MAML2: variants seen among roughly 807,000 people sequenced by gnomAD.
MAML2 encodes mastermind like transcriptional coactivator 2.
In MAML2, 22 loss-of-function variants were observed where a neutral mutation model predicts 96.1. The ratio of observed to expected loss-of-function variants is 0.23; its 90% confidence interval spans 0.16 to 0.33. The LOEUF is 0.33. MAML2 is among the 10% of genes least tolerant of loss of function. The pLI is 1.00. For missense variants in MAML2, 1,367 were observed against 1,392.4 expected, an observed-to-expected ratio of 0.98 and a Z score of 0.29; for synonymous variants, 561 against 521.3, an observed-to-expected ratio of 1.08 and a Z score of -1.04.
chr11:96,229,777 T>C (rs1862265722), intron 1 of MAML2, among the ~76,000 whole-genome samples: 1 of 152,066 alleles, frequency 6.6e-6, no homozygotes, highest in South Asian at 2.1e-4. Context: ...AATTGTAGAC[T>C]CTTTGGGCTG....
At chr11:96,047,923 A>C (rs1230130128) in intron 2 of MAML2, among the ~76,000 whole-genome samples, 2 of 150,758 alleles carry the variant, frequency 1.3e-5, no homozygotes, top group Admixed American at 6.6e-5. Flanking sequence ...AAAAAAAAAA[A>C]AAAAAAAAAA....
intron 1 of MAML2, among the ~76,000 whole-genome samples, chr11:96,150,887 TC>T (rs1314720126): frequency 6.6e-6 from 1 of 152,178 alleles, no homozygotes; most frequent in Non-Finnish European, 1.5e-5. Context: ...TAAAGCGTGT[TC>T]TACAGTCTAG....
chr11:95,987,118 C>T (rs1857839997), intron 3 of MAML2, among the ~76,000 whole-genome samples: 1 of 152,150 alleles, frequency 6.6e-6, no homozygotes, highest in Non-Finnish European at 1.5e-5. Context: ...AGATTGGAAG[C>T]TGTCACAAAG....
At chr11:96,134,873 C>T (rs532048961) in intron 1 of MAML2, among the ~76,000 whole-genome samples, 3 of 152,196 alleles carry the variant, frequency 2.0e-5, no homozygotes, top group Admixed American at 6.5e-5. Flanking sequence ...TTCTAAAAGT[C>T]GAGTTGCAGG....
chr11:96,034,456 A>AGAGAGAGAGAGT (rs766634690), intron 2 of MAML2, among the ~76,000 whole-genome samples: 29 of 144,824 alleles, frequency 2.0e-4, no homozygotes, highest in Non-Finnish European at 2.5e-4. Context: ...AGAGAGAGAG[A>AGAGAGAGAGAGT]GTGTGTGTGT....
chr11:96,241,943 C>T (rs897710984), intron 1 of MAML2, among the ~76,000 whole-genome samples: 2 of 152,104 alleles, frequency 1.3e-5, no homozygotes, highest in African/African-American at 4.8e-5. Context: ...TTATTCAGTT[C>T]AGGGTTCAGC....
chr11:96,092,769 C>A lies in MAML2; in HGVS notation c.1262G>T (p.Ser421Ile). 1 of 1,613,530 alleles carries A rather than the reference C, an allele frequency of 6.2e-7. No homozygotes were observed. The highest frequency in any genetic ancestry group is 1.7e-4 in the Middle Eastern group (1 of 6,060). ...TTCCTGCCAGCTTGGCAAGGCCCGG[C>A]TTGCTCCGGAGCCTGTCTGAGGCTG... ...QAQPQTGSGA[S>I]RALPSWQEVS... Residue 421 changes from serine (S) to isoleucine (I), a missense_variant, in exon 2 of 5, where the codon AGC (serine) becomes ATC (isoleucine). Coordinates refer to ENST00000524717, the MANE Select transcript of MAML2 (RefSeq NM_032427.4). The surrounding 1 kb of genome is among the most constrained non-coding windows in gnomAD (Gnocchi z 4.1).
At chr11:96,076,904 T>C (rs1490596038) in intron 2 of MAML2, among the ~76,000 whole-genome samples, 2 of 152,160 alleles carry the variant, frequency 1.3e-5, no homozygotes, top group African/African-American at 2.4e-5. Context: ...GTTGCATTCA[T>C]AGCCATTTAG....
At chr11:96,320,219 T>C (rs527493419) in intron 1 of MAML2, among the ~76,000 whole-genome samples, 38 of 152,326 alleles carry the variant, frequency 2.5e-4, no homozygotes, top group Admixed American at 5.9e-4. Flanking sequence ...GTTATATTGA[T>C]TGGATTATGT....
intron 1 of MAML2, among the ~76,000 whole-genome samples, chr11:96,257,070 T>C (rs188812181): frequency 2.0e-5 from 3 of 152,338 alleles, no homozygotes; most frequent in Admixed American, 2.0e-4. Context: ...ATAGGCACAA[T>C]GTTTCTGTGA....
intron 2 of MAML2, among the ~76,000 whole-genome samples, chr11:96,074,845 T>G (rs1356233052): frequency 6.6e-6 from 1 of 152,216 alleles, no homozygotes; most frequent in Non-Finnish European, 1.5e-5. Context: ...ACTTCCTTTC[T>G]GTTGTCTGTT....
chr11:96,214,888 C>T (rs1277132134), intron 1 of MAML2, among the ~76,000 whole-genome samples: 1 of 152,198 alleles, frequency 6.6e-6, no homozygotes, highest in African/African-American at 2.4e-5. Context: ...GAGATTTGAA[C>T]TCAGATCCAG....
chr11:96,302,259 C>T (rs1863395912), intron 1 of MAML2, among the ~76,000 whole-genome samples: 1 of 152,164 alleles, frequency 6.6e-6, no homozygotes, highest in Admixed American at 6.5e-5. Flanking sequence ...TTCTAAGACA[C>T]AAATTTTGTT....
chr11:96,252,284 T>C (rs1188910021), intron 1 of MAML2, among the ~76,000 whole-genome samples: 1 of 152,166 alleles, frequency 6.6e-6, no homozygotes, highest in Non-Finnish European at 1.5e-5. Context: ...GAGTTCTCTA[T>C]ATAAATAACA....
At chr11:96,106,471 C>T (rs1860022462) in intron 1 of MAML2, among the ~76,000 whole-genome samples, 1 of 152,186 alleles carries the variant, frequency 6.6e-6, no homozygotes, top group Non-Finnish European at 1.5e-5. Flanking sequence ...CAGCAGAGTA[C>T]ACTAACCTGG....
chr11:96,141,430 C>T (rs891305596), intron 1 of MAML2, among the ~76,000 whole-genome samples: 6 of 152,086 alleles, frequency 3.9e-5, no homozygotes, highest in South Asian at 2.1e-4. Context: ...CTTTATACTA[C>T]GTAAGAGGCC....
intron 2 of MAML2, among the ~76,000 whole-genome samples, chr11:96,026,187 C>A (rs1425197397): frequency 6.6e-6 from 1 of 152,210 alleles, no homozygotes; most frequent in Admixed American, 6.5e-5. Flanking sequence ...ATTTATCAGT[C>A]TCCTCCTCTC....
intron 1 of MAML2, among the ~76,000 whole-genome samples, chr11:96,267,181 A>C (rs751136729): frequency 2.6e-5 from 4 of 152,246 alleles, no homozygotes; most frequent in Non-Finnish European, 5.9e-5. Flanking sequence ...TAGTGGAGTC[A>C]GTGCCAAGCT....
intron 2 of MAML2, among the ~76,000 whole-genome samples, chr11:96,007,878 G>T (rs1858208927): frequency 7.6e-6 from 1 of 132,240 alleles, no homozygotes; most frequent in East Asian, 2.4e-4. Context: ...GACTGTGGTG[G>T]GGTGGGGGGA....
Sources: allele counts gnomAD v4.1 joint callset (sites outside exome capture counted in the v4.1 genomes callset), GRCh38; gene constraint gnomAD v4.1.1; non-coding constraint Gnocchi (gnomAD v3.1); transcripts MANE v1.5; gene names NCBI Gene and HGNC (gene_info 2026-07-23, HGNC 2026-07-21).